The following CHRM3 variants were observed in gnomAD, a reference collection of about 807,000 sequenced individuals.
The protein encoded by CHRM3 is muscarinic acetylcholine receptor M3.
Under a neutral mutation model 41.8 loss-of-function variants are expected in CHRM3, and 11 were observed. The observed-to-expected ratio is 0.26, with a 90% CI of 0.17 to 0.44. The LOEUF (loss-of-function observed/expected upper bound fraction) is 0.44, where lower values mean the gene tolerates loss of function less well. CHRM3 is among the 20% of genes least tolerant of loss of function. The probability of loss-of-function intolerance (pLI) is 1.00; values close to 1 mark genes in which losing one functional copy is unlikely to be tolerated. For synonymous variants in CHRM3, 297 were observed against 301.4 expected (o/e 0.99, Z 0.15); for missense variants, 571 against 745.4 (o/e 0.77, Z 2.72).
chr1:239,639,546 A>G (rs1395115030), intron 4 of CHRM3, among the ~76,000 whole-genome samples: 1 of 151,994 alleles, frequency 6.6e-6, no homozygotes, highest in East Asian at 1.9e-4. Context: ...GAGTTCACTC[A>G]TGATTTGGCT....
chr1:239,393,425 GT>G (rs1659215875), intron 1 of CHRM3, among the ~76,000 whole-genome samples: 1 of 152,124 alleles, frequency 6.6e-6, no homozygotes, highest in Non-Finnish European at 1.5e-5. Context: ...TGAAATAGAC[GT>G]GATGATCCTC....
At chr1:239,726,130 A>G (rs1272147635) in intron 5 of CHRM3, among the ~76,000 whole-genome samples, 7 of 151,914 alleles carry the variant, frequency 4.6e-5, no homozygotes, top group Non-Finnish European at 7.4e-5. Flanking sequence ...AATTCCAACA[A>G]TGCCTTTGGA....
chr1:239,644,430 C>G (rs1372183448), intron 4 of CHRM3, among the ~76,000 whole-genome samples: 1 of 148,210 alleles, frequency 6.7e-6, no homozygotes, highest in Non-Finnish European at 1.5e-5. Flanking sequence ...AAAGTCCAAA[C>G]AACTTCTCCC....
chr1:239,449,009 A>G (rs973935335), intron 1 of CHRM3, among the ~76,000 whole-genome samples: 1 of 152,184 alleles, frequency 6.6e-6, no homozygotes, highest in South Asian at 2.1e-4. Flanking sequence ...ATGAATACCT[A>G]GCCTCTATTT....
At chr1:239,446,098 G>A (rs557495087) in intron 1 of CHRM3, among the ~76,000 whole-genome samples, 8 of 152,002 alleles carry the variant, frequency 5.3e-5, no homozygotes, top group Non-Finnish European at 1.0e-4. Flanking sequence ...CACCACACCC[G>A]GCTAATTTTT....
Position 239,529,544 on chromosome 1 carries a change from G to A in CHRM3, c.-421-16097G>A, listed in dbSNP as rs1030617749. ...AGAGAATCACTTGAACCCAGGAGGC[G>A]GAGGTTGCAGTGAGCCAAGATCGTG... is the stretch of plus-strand genomic sequence containing the variant. On this transcript the variant is annotated intron_variant, in intron 2 of 6. Transcript: ENST00000676153. Among the ~76,000 whole-genome samples, 11 of 150,844 alleles carry A rather than the reference G, an allele frequency of 7.3e-5. No individual in the cohort carries two copies. In the East Asian group the frequency reaches 1.2e-3, roughly 16 times the overall value.
At chr1:239,710,408 A>AG (rs1352336824) in intron 5 of CHRM3, among the ~76,000 whole-genome samples, 4 of 152,196 alleles carry the variant, frequency 2.6e-5, no homozygotes, top group African/African-American at 9.7e-5. Flanking sequence ...CCATATCTAT[A>AG]GGCAGGCTGA....
In CHRM3 at chr1:239,828,046, C is replaced by T. The variant is rs529347301; in HGVS notation, c.-20+668C>T. On this transcript the variant is annotated intron_variant, in intron 6 of 6. Coordinates refer to ENST00000676153, the MANE Select transcript of CHRM3 (RefSeq NM_001375978.1). Reference sequence around the variant, plus strand: ...ACACATATTTATTAAACACCTACTACGTTCTAGATACAAGGGAGGCAATGG... The same window carrying T: ...ACACATATTTATTAAACACCTACTATGTTCTAGATACAAGGGAGGCAATGG... Among the ~76,000 whole-genome samples, 17 of 152,284 alleles carry T rather than the reference C, an allele frequency of 1.1e-4. 1 individual carries two copies. The South Asian group carries it at 1.4e-3, about 13-fold the overall frequency.
At chr1:239,552,960 T>C (rs951928372) in intron 3 of CHRM3, among the ~76,000 whole-genome samples, 9 of 152,236 alleles carry the variant, frequency 5.9e-5, no homozygotes, top group African/African-American at 1.9e-4. Flanking sequence ...TGTTGAAATT[T>C]GATCATAACA....
chr1:239,906,270 C>A (rs1350939625), intron 6 of CHRM3, among the ~76,000 whole-genome samples: 1 of 152,174 alleles, frequency 6.6e-6, no homozygotes, highest in Admixed American at 6.5e-5. Flanking sequence ...TTGCAATGCA[C>A]TTGCATATGT....
intron 3 of CHRM3, among the ~76,000 whole-genome samples, chr1:239,582,016 A>AT (rs1267748040): frequency 6.6e-6 from 1 of 152,204 alleles, no homozygotes; most frequent in Admixed American, 6.6e-5. Context: ...CATTTGCAGG[A>AT]TTTTTTAACC....
intron 2 of CHRM3, among the ~76,000 whole-genome samples, chr1:239,518,812 CT>C (rs947750289): frequency 6.6e-6 from 1 of 152,216 alleles, no homozygotes; most frequent in Non-Finnish European, 1.5e-5. Context: ...AATCCCATCC[CT>C]TCTCCTCCTG....
chr1:239,800,705 C>T (rs530251246), intron 5 of CHRM3, among the ~76,000 whole-genome samples: 1 of 152,272 alleles, frequency 6.6e-6, no homozygotes, highest in Non-Finnish European at 1.5e-5. Context: ...GTCTGCCTAT[C>T]ACTGTGGGTG....
intron 1 of CHRM3, among the ~76,000 whole-genome samples, chr1:239,459,016 T>C (rs759078303): frequency 2.0e-5 from 3 of 152,188 alleles, no homozygotes; most frequent in Non-Finnish European, 4.4e-5. Flanking sequence ...AAAAGAATTA[T>C]GTTCACTGTA....
At chr1:239,763,463 G>A (rs941518294) in intron 5 of CHRM3, among the ~76,000 whole-genome samples, 7 of 152,234 alleles carry the variant, frequency 4.6e-5, no homozygotes, top group Admixed American at 1.3e-4. Context: ...CCAGAGAAAG[G>A]AACTTTCTTT....
At chr1:239,826,096 C>T (rs193220054) in intron 5 of CHRM3, among the ~76,000 whole-genome samples, 171 of 152,114 alleles carry the variant, frequency 1.1e-3, no homozygotes, top group Middle Eastern at 3.4e-3. Flanking sequence ...GTTTCAGTTT[C>T]GCAAGATGAA....
chr1:239,665,789 T>C (rs1319971941), intron 4 of CHRM3, among the ~76,000 whole-genome samples: 6 of 152,134 alleles, frequency 3.9e-5, no homozygotes, highest in Non-Finnish European at 8.8e-5. Flanking sequence ...TCTGTTCTGT[T>C]AGTTTGCTGA....
chr1:239,666,315 C>T (rs1673800329), intron 4 of CHRM3, among the ~76,000 whole-genome samples: 1 of 151,828 alleles, frequency 6.6e-6, no homozygotes. Context: ...CTGACTCAGC[C>T]TCCTGAATAG....
intron 5 of CHRM3, among the ~76,000 whole-genome samples, chr1:239,797,308 A>G (rs1420948868): frequency 6.6e-6 from 1 of 152,174 alleles, no homozygotes; most frequent in East Asian, 1.9e-4. Flanking sequence ...ATCACGCAAT[A>G]TATCCAGGTA....
Sources: gnomAD v4.1 joint callset for allele counts (sites outside exome capture counted in the v4.1 genomes callset) on GRCh38, gnomAD v4.1.1 for gene constraint, MANE v1.5 for transcripts, NCBI Gene and HGNC (gene_info 2026-07-23, HGNC 2026-07-21) for gene names.